The following CACNA2D1 variants were observed in gnomAD, a reference collection of about 807,000 sequenced individuals.
The protein encoded by CACNA2D1 is calcium voltage-gated channel auxiliary subunit alpha2delta 1.
A neutral mutation model predicts 171.5 loss-of-function variants in CACNA2D1; 53 were observed. The ratio of observed to expected loss-of-function variants is 0.31; its 90% CI spans 0.25 to 0.39. The LOEUF (loss-of-function observed/expected upper bound fraction) is 0.39. CACNA2D1 is among the 10% of genes least tolerant of loss of function. The pLI is 1.00. For missense variants in CACNA2D1, 903 were observed against 1,299.8 expected, an observed-to-expected ratio of 0.69 and a Z score of 4.69; for synonymous variants, 442 against 443.1, an observed-to-expected ratio of 1.00 and a Z score of 0.03.
chr7:81,974,465 G>A lies in CACNA2D1; in HGVS notation c.2043C>T (p.Asn681=), dbSNP rs750394880. ...TTAATGCATACTTACATGATGGGTT[G>A]TTTGGAGTTTTTCTATCAATAAACT... The part of the protein sequence containing the change: ...FNEFIDRKTP[N]NPSCNADLIN... Residue 681 remains asparagine (N), a synonymous_variant, in exon 25 of 39, where the codon AAC becomes AAT. Coordinates refer to ENST00000356860, the MANE Select transcript of CACNA2D1 (RefSeq NM_000722.4). 1 of 1,514,570 alleles carries A rather than the reference G, an allele frequency of 6.6e-7. No homozygotes were observed. The allele number at this position is 1,514,570 out of a possible 1,614,324, so 93.8% of individuals were successfully genotyped here.
At chr7:82,371,339 C>T (rs2368022) in intron 1 of CACNA2D1, among the ~76,000 whole-genome samples, 94,580 of 151,894 alleles carry the variant, frequency 0.62, 30,065 homozygotes, top group Middle Eastern at 0.74. Context: ...GTTTATGAGA[C>T]GATGTGAGAC....
chr7:82,297,801 A>G (rs1322634466), intron 3 of CACNA2D1, among the ~76,000 whole-genome samples: 1 of 152,296 alleles, frequency 6.6e-6, no homozygotes, highest in South Asian at 2.1e-4. Flanking sequence ...CTATAAAACA[A>G]AACGACTAAT....
chr7:82,437,645 C>T (rs1007986132), intron 1 of CACNA2D1, among the ~76,000 whole-genome samples: 3 of 152,058 alleles, frequency 2.0e-5, no homozygotes, highest in Admixed American at 6.6e-5. Context: ...AAAAAGTGTG[C>T]CGGTTTGTTG....
intron 5 of CACNA2D1, among the ~76,000 whole-genome samples, chr7:82,120,391 A>T (rs1030845108): frequency 1.3e-5 from 2 of 152,172 alleles, no homozygotes; most frequent in African/African-American, 2.4e-5. Context: ...TGATTTTAGA[A>T]TTTTTTAAAG....
intron 6 of CACNA2D1, among the ~76,000 whole-genome samples, chr7:82,085,778 G>A (rs1039399334): frequency 1.3e-4 from 20 of 151,644 alleles, no homozygotes; most frequent in African/African-American, 4.8e-4. Context: ...TTTATAACTA[G>A]AAACTAATCT....
At chr7:81,985,342 T>C (rs777028506) in intron 21 of CACNA2D1, among the ~76,000 whole-genome samples, 1 of 151,512 alleles carries the variant, frequency 6.6e-6, no homozygotes, top group Admixed American at 6.6e-5. Flanking sequence ...GCTGGGACCA[T>C]AGGCACATGC....
intron 5 of CACNA2D1, among the ~76,000 whole-genome samples, chr7:82,132,152 A>G (rs1278162814): frequency 6.6e-6 from 1 of 152,214 alleles, no homozygotes; most frequent in African/African-American, 2.4e-5. Context: ...GATATTAGAA[A>G]AAACTCAGTA....
In CACNA2D1 at chr7:82,294,132, T is replaced by C. The variant is rs528192841; in HGVS notation, c.294+41003A>G. ...TGCTTGTTCAAGCCACCATGCTTAA[T>C]CAAAACTCTAGTAAACTGAACTATT... On this transcript the variant is annotated intron_variant, in intron 3 of 38. Transcript: ENST00000356860. Among the ~76,000 whole-genome samples, 80 of 152,296 alleles carry C rather than the reference T, an allele frequency of 5.3e-4. 1 individual carries two copies. Among genetic ancestry groups the C allele is most frequent in the East Asian group, 3.9e-4 (2 of 5,180 alleles).
intron 1 of CACNA2D1, among the ~76,000 whole-genome samples, chr7:82,414,872 A>G (rs1244969343): frequency 6.6e-6 from 1 of 152,226 alleles, no homozygotes; most frequent in African/African-American, 2.4e-5. Flanking sequence ...ATTCATACTT[A>G]TAATCACATC....
At chr7:82,424,301 G>A (rs1340854149) in intron 1 of CACNA2D1, among the ~76,000 whole-genome samples, 1 of 152,136 alleles carries the variant, frequency 6.6e-6, no homozygotes, top group African/African-American at 2.4e-5. Flanking sequence ...CTTTTTAAAG[G>A]AAATTTACTG....
intron 1 of CACNA2D1, among the ~76,000 whole-genome samples, chr7:82,370,018 C>G (rs1437421088): frequency 6.6e-6 from 1 of 151,918 alleles, no homozygotes; most frequent in Non-Finnish European, 1.5e-5. Flanking sequence ...TTTATTCTTG[C>G]TAAAATATTA....
chr7:82,383,370 A>G (rs1823925367), intron 1 of CACNA2D1, among the ~76,000 whole-genome samples: 1 of 152,210 alleles, frequency 6.6e-6, no homozygotes, highest in South Asian at 2.1e-4. Context: ...CCATTCAATT[A>G]TTCATATTCA....
chr7:82,390,497 C>A (rs1824987895), intron 1 of CACNA2D1, among the ~76,000 whole-genome samples: 2 of 152,080 alleles, frequency 1.3e-5, no homozygotes, highest in African/African-American at 4.8e-5. Flanking sequence ...TTAGGGATTT[C>A]TTAAGGCAAA....
chr7:82,030,731 T>A (rs1352153010), intron 12 of CACNA2D1, among the ~76,000 whole-genome samples: 2 of 151,906 alleles, frequency 1.3e-5, no homozygotes, highest in Non-Finnish European at 2.9e-5. Context: ...ACTTATATAC[T>A]TCTATCACAA....
chr7:82,245,119 C>T (rs1323494772), intron 3 of CACNA2D1, among the ~76,000 whole-genome samples: 2 of 152,144 alleles, frequency 1.3e-5, no homozygotes, highest in African/African-American at 4.8e-5. Flanking sequence ...TCTAACAAAG[C>T]ATAAAGCTTC....
intron 6 of CACNA2D1, 37 bp downstream of exon 6, chr7:82,117,007 A>G: frequency 1.2e-6 from 2 of 1,610,128 alleles, no homozygotes; most frequent in Non-Finnish European, 1.7e-6. Context: ...AGGCGAGAGC[A>G]TGGTATTCCA....
intron 3 of CACNA2D1, among the ~76,000 whole-genome samples, chr7:82,307,435 G>A (rs1001950184): frequency 3.3e-5 from 5 of 151,326 alleles, no homozygotes; most frequent in Admixed American, 3.3e-4. Context: ...GGGATTACAG[G>A]AGCGAGCCAC....
At chr7:82,054,173 A>T (rs1387541951) in intron 10 of CACNA2D1, among the ~76,000 whole-genome samples, 3 of 152,254 alleles carry the variant, frequency 2.0e-5, no homozygotes, top group Admixed American at 6.5e-5. Context: ...AAATGTTGAC[A>T]GTATAAAATT....
At chr7:82,036,092 T>C (rs1295111872) in intron 11 of CACNA2D1, among the ~76,000 whole-genome samples, 1 of 152,124 alleles carries the variant, frequency 6.6e-6, no homozygotes, top group Non-Finnish European at 1.5e-5. Flanking sequence ...TGTGCAATCA[T>C]CTACTTACTA....
Sources: gnomAD v4.1 joint callset for allele counts (sites outside exome capture counted in the v4.1 genomes callset) on GRCh38, gnomAD v4.1.1 for gene constraint, MANE v1.5 for transcripts, NCBI Gene and HGNC (gene_info 2026-07-23, HGNC 2026-07-21) for gene names.